Variants in RYR2 observed in about 807,000 individuals in gnomAD.
RYR2 encodes the protein ryanodine receptor 2.
Under a neutral mutation model 601.1 loss-of-function variants are expected in RYR2, and 227 were observed. That is an observed-to-expected ratio of 0.38 (90% confidence interval 0.34 to 0.42). RYR2 has a LOEUF of 0.42. Among genes scored for constraint, RYR2 ranks in the 10% least tolerant of loss-of-function variants. RYR2 has a pLI of 1.00. For synonymous variants in RYR2, 2,223 were observed against 2,175.1 expected, an observed-to-expected ratio of 1.02 and a Z score of -0.61; for missense variants, 4,646 against 6,156.5, an observed-to-expected ratio of 0.75 and a Z score of 8.21.
At chr1:237,176,177 C>T (rs987253129) in intron 1 of RYR2, among the ~76,000 whole-genome samples, 11 of 149,506 alleles carry the variant, frequency 7.4e-5, no homozygotes, top group Non-Finnish European at 1.0e-4. Context: ...ACGGGGAGCT[C>T]GGGGAGCTAT....
At chr1:237,694,561 T>C (rs1687249096) in intron 63 of RYR2, among the ~76,000 whole-genome samples, 1 of 152,176 alleles carries the variant, frequency 6.6e-6, no homozygotes, top group Non-Finnish European at 1.5e-5. Context: ...TAAAAAATCC[T>C]ATTTTTTTAG....
intron 41 of RYR2, among the ~76,000 whole-genome samples, chr1:237,630,370 C>T (rs1680120444): frequency 6.6e-6 from 1 of 152,100 alleles, no homozygotes. Context: ...TTTGTTCTGG[C>T]ATGAAATAAG....
At chr1:237,717,443 C>T (rs953160372) in intron 72 of RYR2, 75 bp downstream of exon 72, 67 of 1,224,652 alleles carry the variant, frequency 5.5e-5, no homozygotes, top group Non-Finnish European at 7.2e-5. Flanking sequence ...CTTTGTCTCA[C>T]TGCCCTATGT....
chr1:237,393,549 CT>C (rs1702567864), intron 10 of RYR2, among the ~76,000 whole-genome samples: 1 of 152,158 alleles, frequency 6.6e-6, no homozygotes, highest in South Asian at 2.1e-4. Flanking sequence ...TAGGAGGAAG[CT>C]CTTAAAGCTA....
chr1:237,790,333 T>C (rs1474120135), intron 92 of RYR2, among the ~76,000 whole-genome samples: 1 of 152,138 alleles, frequency 6.6e-6, no homozygotes, highest in Non-Finnish European at 1.5e-5. Context: ...ACATCGAGTC[T>C]GCCCAGTTCT....
chr1:237,157,013 G>A (rs1572041117), intron 1 of RYR2, among the ~76,000 whole-genome samples: 1 of 152,036 alleles, frequency 6.6e-6, no homozygotes, highest in South Asian at 2.1e-4. Context: ...ACCACCATAC[G>A]GGCCGGGCAC....
intron 21 of RYR2, 85 bp from the exon 22 acceptor site, chr1:237,503,204 A>G (rs891841878): frequency 8.0e-7 from 1 of 1,252,798 alleles, no homozygotes; most frequent in Admixed American, 2.1e-5. Flanking sequence ...CTTTTGTACT[A>G]ACAATTTTTC....
intron 48 of RYR2, among the ~76,000 whole-genome samples, chr1:237,643,668 A>G (rs1189312432): frequency 6.6e-6 from 1 of 150,492 alleles, no homozygotes; most frequent in African/African-American, 2.5e-5. Flanking sequence ...GCTGGAGTGC[A>G]GTGGCACAAT....
intron 49 of RYR2, among the ~76,000 whole-genome samples, chr1:237,649,019 T>A (rs1682453504): frequency 6.6e-6 from 1 of 152,240 alleles, no homozygotes; most frequent in African/African-American, 2.4e-5. Context: ...TTAATGGATA[T>A]TGTTGAGTCA....
chr1:237,500,028 TAAG>T (rs1664467035), intron 20 of RYR2, among the ~76,000 whole-genome samples: 1 of 152,182 alleles, frequency 6.6e-6, no homozygotes, highest in Non-Finnish European at 1.5e-5. Flanking sequence ...CTGCTTTACT[TAAG>T]AAGCCAACCA....
At chr1:237,666,361 G>A (rs1684327316) in intron 56 of RYR2, 151 bp from the exon 57 acceptor site, 2 of 654,076 alleles carry the variant, frequency 3.1e-6, no homozygotes, top group Non-Finnish European at 5.4e-6. Flanking sequence ...TGTGCGAGAT[G>A]TGTTTACAAC....
In RYR2 at chr1:237,595,764, T is replaced by C. The variant is rs1253185694; in HGVS notation, c.4596+107T>C. On this transcript the variant is annotated intron_variant, in intron 34 of 104. Transcript: ENST00000366574. ...AAAAAGTAAAATAGACACATGTACATGTGCCCCTGGTCTGAAAATCAGCCG... is the reference window on the plus strand; with the variant it reads ...AAAAAGTAAAATAGACACATGTACACGTGCCCCTGGTCTGAAAATCAGCCG... 18 of 1,325,554 alleles carry C rather than the reference T, an allele frequency of 1.4e-5. No homozygotes were observed. The East Asian group carries it at 3.2e-4, about 24-fold the overall frequency. The allele number at this position is 1,325,554 out of a possible 1,614,324, so 82.1% of individuals were successfully genotyped here.
intron 29 of RYR2, among the ~76,000 whole-genome samples, chr1:237,578,673 G>A (rs1281836529): frequency 6.6e-6 from 1 of 151,488 alleles, no homozygotes; most frequent in Non-Finnish European, 1.5e-5. Flanking sequence ...GGTAATTTTG[G>A]AGATTTGTTA....
At chr1:237,104,488 C>T (rs373624361) in intron 1 of RYR2, among the ~76,000 whole-genome samples, 2 of 152,160 alleles carry the variant, frequency 1.3e-5, no homozygotes, top group African/African-American at 2.4e-5. Context: ...TGTGATGCTC[C>T]GGCATGGTGA....
chr1:237,572,872 T>C (rs993155694), intron 29 of RYR2, among the ~76,000 whole-genome samples: 1 of 152,112 alleles, frequency 6.6e-6, no homozygotes, highest in Non-Finnish European at 1.5e-5. Context: ...CTCTCCCAAA[T>C]TGACTTTATA....
At chr1:237,409,416 T>TC (rs1704222179) in intron 10 of RYR2, among the ~76,000 whole-genome samples, 1 of 152,152 alleles carries the variant, frequency 6.6e-6, no homozygotes, top group Admixed American at 6.5e-5. Flanking sequence ...ATTGATATGA[T>TC]CAATGATTTT....
chr1:237,724,950 G>T (rs1169158833), intron 74 of RYR2, among the ~76,000 whole-genome samples: 2 of 152,056 alleles, frequency 1.3e-5, no homozygotes, highest in Non-Finnish European at 2.9e-5. Context: ...CTCAAATGAG[G>T]TTCACTTTTC....
At chr1:237,194,112 T>G (rs957236149) in intron 1 of RYR2, among the ~76,000 whole-genome samples, 1 of 152,244 alleles carries the variant, frequency 6.6e-6, no homozygotes, top group African/African-American at 2.4e-5. Flanking sequence ...TTCCTTTGCA[T>G]AAATGCATTT....
intron 1 of RYR2, among the ~76,000 whole-genome samples, chr1:237,196,243 A>C (rs978158711): frequency 6.6e-6 from 1 of 152,186 alleles, no homozygotes; most frequent in Non-Finnish European, 1.5e-5. Flanking sequence ...AAATTTAAAA[A>C]AATTTTGGAG....
Sources: gnomAD v4.1 joint callset for allele counts (sites outside exome capture counted in the v4.1 genomes callset) on GRCh38, gnomAD v4.1.1 for gene constraint, MANE v1.5 for transcripts, NCBI Gene and HGNC (gene_info 2026-07-23, HGNC 2026-07-21) for gene names.